PCDH15: variants seen among roughly 807,000 people sequenced by gnomAD.
PCDH15 encodes the protein protocadherin related 15.
In PCDH15, 129 loss-of-function variants were observed where a neutral mutation model predicts 178.5. The ratio of observed to expected loss-of-function variants is 0.72; its 90% CI spans 0.63 to 0.84. The LOEUF (loss-of-function observed/expected upper bound fraction) is 0.84, where lower values mean the gene tolerates loss of function less well. Among genes scored for constraint, PCDH15 ranks in the 40% least tolerant of loss-of-function variants. PCDH15 has a pLI of 0.00. For missense variants in PCDH15, 2,230 were observed against 2,099.9 expected (o/e 1.06, Z -1.21); for synonymous variants, 800 against 732.0 (o/e 1.09, Z -1.50).
intron 2 of PCDH15, among the ~76,000 whole-genome samples, chr10:55,339,732 A>C (rs1292843056): frequency 6.6e-6 from 1 of 152,098 alleles, no homozygotes; most frequent in East Asian, 1.9e-4. Context: ...ATCGGATCTT[A>C]CCAGCTTTTA....
intron 25 of PCDH15, among the ~76,000 whole-genome samples, chr10:53,910,659 T>C (rs2083018467): frequency 6.6e-6 from 1 of 152,148 alleles, no homozygotes; most frequent in East Asian, 1.9e-4. Flanking sequence ...GGATGGAGAA[T>C]GACTTTGATG....
chr10:55,108,803 G>T (rs1837423269), intron 2 of PCDH15, among the ~76,000 whole-genome samples: 1 of 151,934 alleles, frequency 6.6e-6, no homozygotes, highest in African/African-American at 2.4e-5. Context: ...TGCTTGAAAA[G>T]AACTTAGTCA....
chr10:55,362,030 A>ATC (rs1296130352), intron 2 of PCDH15, among the ~76,000 whole-genome samples: 1 of 152,020 alleles, frequency 6.6e-6, no homozygotes, highest in Non-Finnish European at 1.5e-5. Context: ...CAGTCATGTG[A>ATC]TTTCTTCTGC....
intron 2 of PCDH15, among the ~76,000 whole-genome samples, chr10:54,617,442 G>A (rs1377467002): frequency 6.6e-6 from 1 of 151,930 alleles, no homozygotes; most frequent in Non-Finnish European, 1.5e-5. Flanking sequence ...ATACAATAAA[G>A]AGAACATACA....
chr10:54,780,962 G>A (rs755797708), intron 1 of PCDH15, among the ~76,000 whole-genome samples: 46 of 152,126 alleles, frequency 3.0e-4, no homozygotes, highest in Middle Eastern at 3.4e-3. Flanking sequence ...ATACAGTAAT[G>A]TGGGAGAAAA....
chr10:53,923,126 A>T (rs944997793), intron 25 of PCDH15, among the ~76,000 whole-genome samples: 4 of 152,126 alleles, frequency 2.6e-5, no homozygotes, highest in African/African-American at 9.7e-5. Flanking sequence ...CAAATATAGC[A>T]ATCTCTATTA....
intron 15 of PCDH15, among the ~76,000 whole-genome samples, chr10:54,108,682 AC>A (rs2094959816): frequency 6.6e-6 from 1 of 151,874 alleles, no homozygotes; most frequent in African/African-American, 2.4e-5. Flanking sequence ...TGCTTGTGCA[AC>A]CCCTCCCTCA....
At chr10:53,813,032 T>C (rs1006092901) in intron 35 of PCDH15, among the ~76,000 whole-genome samples, 5 of 152,174 alleles carry the variant, frequency 3.3e-5, no homozygotes, top group African/African-American at 9.6e-5. Flanking sequence ...TTGAATTCAT[T>C]ACTAACAGTG....
chr10:54,730,643 G>C (rs1469416327), intron 1 of PCDH15, among the ~76,000 whole-genome samples: 1 of 151,340 alleles, frequency 6.6e-6, no homozygotes, highest in Non-Finnish European at 1.5e-5. Context: ...AAGGCACCAA[G>C]AACAGGAAAT....
chr10:55,141,843 T>C (rs1838360787), intron 2 of PCDH15, among the ~76,000 whole-genome samples: 1 of 130,358 alleles, frequency 7.7e-6, no homozygotes, highest in Non-Finnish European at 1.7e-5. Context: ...ATCTGTTCTT[T>C]AAAGCAAAAG....
At chr10:55,120,402 G>A (rs1388092457) in intron 2 of PCDH15, among the ~76,000 whole-genome samples, 1 of 152,088 alleles carries the variant, frequency 6.6e-6, no homozygotes, top group Non-Finnish European at 1.5e-5. Flanking sequence ...AATTCCAGGA[G>A]ATGAGAAGAC....
At chr10:53,843,826 C>A (rs1054651859) in intron 28 of PCDH15, among the ~76,000 whole-genome samples, 2 of 152,034 alleles carry the variant, frequency 1.3e-5, no homozygotes, top group Non-Finnish European at 2.9e-5. Flanking sequence ...TTCATTTATT[C>A]ATTCCTTCAA....
Position 54,100,495 on chromosome 10 carries a change from G to A in PCDH15, c.1918-10432C>T, listed in dbSNP as rs7904397. Among the ~76,000 whole-genome samples, 1,255 of 152,224 alleles carry A rather than the reference G, an allele frequency of 8.2e-3. 14 individuals are homozygous for A. Among genetic ancestry groups the A allele is most frequent in the African/African-American group, 0.025 (1,047 of 41,538 alleles). On this transcript the variant is annotated intron_variant, in intron 15 of 37. Transcript: ENST00000644397. ...CACATCCTCTTTGAGCAAGATTTAA[G>A]GTATTTATATCTCAGTGACATCATT...
At chr10:55,212,268 A>G (rs1203357863) in intron 1 of PCDH15, among the ~76,000 whole-genome samples, 1 of 152,116 alleles carries the variant, frequency 6.6e-6, no homozygotes, top group Admixed American at 6.5e-5. Context: ...TAGTCCAACC[A>G]GTCTTTCCTA....
At chr10:54,934,714 C>G (rs1413518763) in intron 2 of PCDH15, among the ~76,000 whole-genome samples, 2 of 151,250 alleles carry the variant, frequency 1.3e-5, no homozygotes, top group Non-Finnish European at 2.9e-5. Context: ...TTTGACCCAG[C>G]CATCCCATTA....
intron 2 of PCDH15, among the ~76,000 whole-genome samples, chr10:55,509,451 T>C (rs1293183530): frequency 2.0e-5 from 3 of 151,736 alleles, no homozygotes; most frequent in Non-Finnish European, 4.4e-5. Context: ...CAGAGGAATA[T>C]CTGGGGTATA....
At chr10:55,180,321 C>A (rs1839607804) in intron 1 of PCDH15, among the ~76,000 whole-genome samples, 1 of 152,128 alleles carries the variant, frequency 6.6e-6, no homozygotes, top group Admixed American at 6.6e-5. Flanking sequence ...CACAAAATGA[C>A]TTCTTACAAT....
At chr10:54,622,259 T>C (rs1490805964) in intron 2 of PCDH15, among the ~76,000 whole-genome samples, 1 of 151,654 alleles carries the variant, frequency 6.6e-6, no homozygotes, top group Non-Finnish European at 1.5e-5. Flanking sequence ...TTTATGTGTG[T>C]GTGTGTGTTT....
At chr10:54,364,603 G>A (rs1946534491) in intron 5 of PCDH15, among the ~76,000 whole-genome samples, 1 of 151,974 alleles carries the variant, frequency 6.6e-6, no homozygotes, top group Non-Finnish European at 1.5e-5. Flanking sequence ...CAAATCTTAT[G>A]TTTCCTTGCT....
Sources: gnomAD v4.1 joint callset for allele counts (sites outside exome capture counted in the v4.1 genomes callset) on GRCh38, gnomAD v4.1.1 for gene constraint, MANE v1.5 for transcripts, NCBI Gene and HGNC (gene_info 2026-07-23, HGNC 2026-07-21) for gene names.